TAS2R1: variants seen among roughly 807,000 people sequenced by gnomAD.
TAS2R1 encodes taste receptor type 2 member 1.
For synonymous variants in TAS2R1, 141 were observed against 134.2 expected, an observed-to-expected ratio of 1.05 and a Z score of -0.35; for missense variants, 370 against 353.4, an observed-to-expected ratio of 1.05 and a Z score of -0.38.
At chr5:9,758,109 T>A in the TAS2R1 span, among the ~76,000 whole-genome samples, 1 of 152,178 alleles carries the variant, frequency 6.6e-6, no homozygotes, top group East Asian at 1.9e-4. Flanking sequence ...TTTTTAAAAG[T>A]CTAGCACTTT....
the TAS2R1 span, among the ~76,000 whole-genome samples, chr5:9,770,027 T>C: frequency 1.3e-5 from 2 of 152,190 alleles, no homozygotes; most frequent in African/African-American, 2.4e-5. Flanking sequence ...CAATGTTTTA[T>C]TGTAGTAATT....
At chr5:9,705,363 T>A (rs1015958156) in intron 1 of TAS2R1, among the ~76,000 whole-genome samples, 6 of 152,198 alleles carry the variant, frequency 3.9e-5, no homozygotes, top group African/African-American at 1.4e-4. Context: ...TGAGCATGCA[T>A]GTATTGCTTT....
chr5:9,646,549 G>C (rs886312536), intron 2 of TAS2R1, among the ~76,000 whole-genome samples: 1 of 152,144 alleles, frequency 6.6e-6, no homozygotes. Context: ...TTTTGTCGTA[G>C]GAGTCAAATT....
the TAS2R1 span, among the ~76,000 whole-genome samples, chr5:9,792,996 T>C: frequency 3.0e-3 from 455 of 152,326 alleles, 5 homozygotes; most frequent in African/African-American, 0.011. Context: ...ATGATTCCAT[T>C]GCATATAAAA....
the TAS2R1 span, among the ~76,000 whole-genome samples, chr5:9,800,643 C>G: frequency 6.6e-6 from 1 of 152,276 alleles, no homozygotes; most frequent in South Asian, 2.1e-4. Context: ...TCTGCAGCAC[C>G]TTGAATGCCA....
the TAS2R1 span, among the ~76,000 whole-genome samples, chr5:9,745,548 T>A: frequency 3.2e-4 from 48 of 152,250 alleles, no homozygotes; most frequent in African/African-American, 1.1e-3. Flanking sequence ...CAAAACAGCA[T>A]GGTACTGGTA....
chr5:9,809,962 A>G, the TAS2R1 span, among the ~76,000 whole-genome samples: 1 of 152,202 alleles, frequency 6.6e-6, no homozygotes. Flanking sequence ...TTTCAGGCTG[A>G]TTGTGGTCAT....
At chr5:9,798,207 T>C in the TAS2R1 span, among the ~76,000 whole-genome samples, 13 of 152,220 alleles carry the variant, frequency 8.5e-5, no homozygotes, top group Non-Finnish European at 1.5e-4. Context: ...GATTCGTGGT[T>C]GCCTTGAGTT....
the TAS2R1 span, among the ~76,000 whole-genome samples, chr5:9,843,887 C>T: frequency 6.6e-6 from 1 of 152,188 alleles, no homozygotes; most frequent in East Asian, 1.9e-4. Flanking sequence ...TCAGGCTTTG[C>T]AGATAGACAA....
At chr5:9,894,029 T>C in the TAS2R1 span, among the ~76,000 whole-genome samples, 2 of 152,294 alleles carry the variant, frequency 1.3e-5, no homozygotes, top group East Asian at 3.9e-4. Flanking sequence ...TGTTTGGACA[T>C]GAGGTCTTTA....
the TAS2R1 span, among the ~76,000 whole-genome samples, chr5:9,829,970 TCTTATCTTTGTGAC>T: frequency 6.6e-6 from 1 of 152,204 alleles, no homozygotes; most frequent in African/African-American, 2.4e-5. Context: ...TGAGATTTGA[TCTTATCTTTGTGAC>T]CTTATCTTTG....
chr5:9,727,747 C>T, the TAS2R1 span, among the ~76,000 whole-genome samples: 1 of 152,172 alleles, frequency 6.6e-6, no homozygotes, highest in Non-Finnish European at 1.5e-5. Flanking sequence ...AACGAAGCTG[C>T]AAGAGCCAGA....
At chr5:9,777,476 C>T in the TAS2R1 span, among the ~76,000 whole-genome samples, 2 of 152,232 alleles carry the variant, frequency 1.3e-5, no homozygotes, top group African/African-American at 2.4e-5. Flanking sequence ...GGCTCCACTT[C>T]GAATTCCAGT....
chr5:9,820,819 A>G, the TAS2R1 span, among the ~76,000 whole-genome samples: 1 of 152,232 alleles, frequency 6.6e-6, no homozygotes, highest in African/African-American at 2.4e-5. Context: ...ATCTGTCCCA[A>G]GGCCCTGAAC....
At chr5:9,895,127 G>A in the TAS2R1 span, among the ~76,000 whole-genome samples, 1 of 152,200 alleles carries the variant, frequency 6.6e-6, no homozygotes, top group Admixed American at 6.5e-5. Flanking sequence ...GCTTTCTCAT[G>A]CCTAAGCACA....
the TAS2R1 span, among the ~76,000 whole-genome samples, chr5:9,741,737 G>A: frequency 1.3e-5 from 2 of 152,028 alleles, no homozygotes; most frequent in Admixed American, 6.5e-5. Flanking sequence ...CCAGGTGACC[G>A]GGACACAGTG....
chr5:9,803,017 GA>G, the TAS2R1 span, among the ~76,000 whole-genome samples: 4 of 152,308 alleles, frequency 2.6e-5, no homozygotes, highest in East Asian at 7.7e-4. Context: ...GATATGAAAG[GA>G]AAAGTCTTCA....
At chr5:9,684,812 C>T (rs1249885964) in intron 1 of TAS2R1, among the ~76,000 whole-genome samples, 1 of 152,100 alleles carries the variant, frequency 6.6e-6, no homozygotes, top group African/African-American at 2.4e-5. Context: ...CAAAATCTCA[C>T]TCTGTTGCAT....
the TAS2R1 span, among the ~76,000 whole-genome samples, chr5:9,855,044 T>A: frequency 6.6e-6 from 1 of 152,236 alleles, no homozygotes; most frequent in Non-Finnish European, 1.5e-5. Flanking sequence ...CCAGAACAGC[T>A]AGCAACCCTG....
Sources: allele counts gnomAD v4.1 joint callset (sites outside exome capture counted in the v4.1 genomes callset), GRCh38; gene constraint gnomAD v4.1.1; transcripts MANE v1.5; gene names NCBI Gene and HGNC (gene_info 2026-07-23, HGNC 2026-07-21).